TRIO: variants seen among roughly 807,000 people sequenced by gnomAD.
TRIO encodes triple functional domain protein.
Under a neutral mutation model 351.9 loss-of-function variants are expected in TRIO, and 58 were observed. That is an observed-to-expected ratio of 0.16 (90% CI 0.13 to 0.21). TRIO has a LOEUF of 0.21. Among genes scored for constraint, TRIO ranks in the 10% least tolerant of loss-of-function variants. TRIO has a pLI of 1.00. For missense variants in TRIO, 3,201 were observed against 4,027.8 expected (o/e 0.79, Z 5.56); for synonymous variants, 1,758 against 1,595.7 (o/e 1.10, Z -2.42).
At chr5:14,321,110 G>A (rs1405948481) in intron 9 of TRIO, among the ~76,000 whole-genome samples, 2 of 152,222 alleles carry the variant, frequency 1.3e-5, no homozygotes, top group Non-Finnish European at 2.9e-5. Flanking sequence ...ATAGTAGAGG[G>A]GCAAGTAGCA....
chr5:14,345,899 T>G (rs1370037471), intron 11 of TRIO, among the ~76,000 whole-genome samples: 2 of 152,252 alleles, frequency 1.3e-5, no homozygotes. Flanking sequence ...TTTCTTATTT[T>G]GTTACTCAGC....
At chr5:14,361,211 A>G (rs1744121228) in intron 13 of TRIO, among the ~76,000 whole-genome samples, 1 of 152,244 alleles carries the variant, frequency 6.6e-6, no homozygotes, top group Non-Finnish European at 1.5e-5. Flanking sequence ...TTAATACTAT[A>G]AAGAGAAAAA....
intron 1 of TRIO, among the ~76,000 whole-genome samples, chr5:14,254,361 G>A (rs1048423911): frequency 6.6e-6 from 1 of 152,176 alleles, no homozygotes; most frequent in African/African-American, 2.4e-5. Flanking sequence ...TAGTAGAGAC[G>A]GGGTTTCACC....
intron 32 of TRIO, chr5:14,406,301 T>G (rs1748714500): frequency 3.6e-6 from 2 of 559,320 alleles, no homozygotes; most frequent in Admixed American, 6.1e-5. Flanking sequence ...AGCATCGAGA[T>G]GTTGCTGTTT....
chr5:14,152,461 C>T (rs1787896409), intron 1 of TRIO, among the ~76,000 whole-genome samples: 1 of 152,222 alleles, frequency 6.6e-6, no homozygotes. Context: ...ACCTCTGCCT[C>T]CCGGGTTCAA....
chr5:14,422,761 A>G (rs1750287297), intron 34 of TRIO, among the ~76,000 whole-genome samples: 1 of 152,206 alleles, frequency 6.6e-6, no homozygotes, highest in African/African-American at 2.4e-5. Context: ...TCAATTACAC[A>G]ATTTGTTTTT....
chr5:14,470,090 G>T (rs1754573482), intron 37 of TRIO, among the ~76,000 whole-genome samples: 1 of 152,182 alleles, frequency 6.6e-6, no homozygotes, highest in Admixed American at 6.5e-5. Flanking sequence ...TTATTTAAAA[G>T]AGTGCATTTA....
chr5:14,245,600 C>G (rs1794387024), intron 1 of TRIO, among the ~76,000 whole-genome samples: 2 of 152,206 alleles, frequency 1.3e-5, no homozygotes, highest in African/African-American at 4.8e-5. Flanking sequence ...TTGGAGATGC[C>G]TCGGCGTGGA....
chr5:14,497,833 T>G lies in TRIO; in HGVS notation c.8020-14T>G. 1.9e-6 allele frequency: 3 copies of G among 1,614,240 alleles called. No homozygotes were observed. The highest frequency in any genetic ancestry group is 2.5e-6 in the Non-Finnish European group (3 of 1,180,038). On this transcript the variant is annotated splice_polypyrimidine_tract_variant and intron_variant, in intron 50 of 56. Coordinates refer to ENST00000344204, the MANE Select transcript of TRIO (RefSeq NM_007118.4). The surrounding 1 kb of genome is among the most constrained non-coding windows in gnomAD (Gnocchi z 4.4). ...CTCATTTCAGTTAATGCTTGTTTGC[T>G]GTTTCCATTTCAGCTTCTCAATCCC...
rs895977524 is a variant in TRIO at position 14,282,565 on chromosome 5, TA to T, written c.347+2139del. On this transcript the variant is annotated intron_variant, in intron 3 of 56. Transcript: ENST00000344204. ...TTTGGATAATCTGGATGACCCACTT[TA>T]AAAAAAAAACCTTTTTTTTGTGGGA... Among the ~76,000 whole-genome samples the T allele has an allele frequency of 2.8e-3, 417 of 146,364 alleles. 2 individuals are homozygous for T. The highest frequency in any genetic ancestry group is 0.01 in the African/African-American group (393 of 37,980).
chr5:14,301,942 T>A (rs1737936071), intron 7 of TRIO, among the ~76,000 whole-genome samples: 1 of 152,168 alleles, frequency 6.6e-6, no homozygotes, highest in Non-Finnish European at 1.5e-5. Context: ...TGGCTAGGAT[T>A]ATTTCTATCA....
intron 1 of TRIO, among the ~76,000 whole-genome samples, chr5:14,151,386 TTGTGTG>T (rs34382232): frequency 1.1e-4 from 16 of 148,760 alleles, no homozygotes; most frequent in African/African-American, 3.7e-4. Flanking sequence ...GTGTGTGTGT[TTGTGTG>T]TGTGTGTGTG....
At chr5:14,296,028 A>C (rs1737331218) in intron 6 of TRIO, among the ~76,000 whole-genome samples, 1 of 152,226 alleles carries the variant, frequency 6.6e-6, no homozygotes, top group Non-Finnish European at 1.5e-5. Context: ...TCAGCTGCTT[A>C]CTTGGGTGGT....
intron 1 of TRIO, among the ~76,000 whole-genome samples, chr5:14,262,480 TGCGG>T (rs375781199): frequency 6.6e-6 from 1 of 152,228 alleles, no homozygotes; most frequent in Non-Finnish European, 1.5e-5. Flanking sequence ...GGACTGTAGT[TGCGG>T]GCACCAAGAA....
At chr5:14,433,037 A>G (rs1286600448) in intron 34 of TRIO, among the ~76,000 whole-genome samples, 1 of 152,200 alleles carries the variant, frequency 6.6e-6, no homozygotes, top group African/African-American at 2.4e-5. Flanking sequence ...TTTTTGAGAA[A>G]CACGATTTGT....
intron 1 of TRIO, among the ~76,000 whole-genome samples, chr5:14,144,740 C>G (rs1046634326): frequency 5.9e-5 from 9 of 151,968 alleles, no homozygotes; most frequent in African/African-American, 4.8e-5. Context: ...ACCGGGTTTG[C>G]TGCGCAGGGG....
At chr5:14,503,195 C>T (rs562278048) in intron 54 of TRIO, among the ~76,000 whole-genome samples, 1 of 152,386 alleles carries the variant, frequency 6.6e-6, no homozygotes, top group African/African-American at 2.4e-5. Flanking sequence ...ACAGCACACA[C>T]ATTCAGGTGT....
chr5:14,346,933 A>G (rs1742472521), intron 11 of TRIO, among the ~76,000 whole-genome samples: 1 of 152,240 alleles, frequency 6.6e-6, no homozygotes, highest in Non-Finnish European at 1.5e-5. Flanking sequence ...CTCATACCCC[A>G]CAGGTCAGTA....
chr5:14,354,092 C>T (rs577285373), intron 11 of TRIO, among the ~76,000 whole-genome samples: 1 of 152,292 alleles, frequency 6.6e-6, no homozygotes, highest in Admixed American at 6.5e-5. Context: ...CAGACATCCC[C>T]GAGCTTCGGC....
Sources: allele counts gnomAD v4.1 joint callset (sites outside exome capture counted in the v4.1 genomes callset), GRCh38; gene constraint gnomAD v4.1.1; non-coding constraint Gnocchi (gnomAD v3.1); transcripts MANE v1.5; gene names NCBI Gene and HGNC (gene_info 2026-07-23, HGNC 2026-07-21).